The following RC3H1 variants were observed in gnomAD, a reference collection of about 807,000 sequenced individuals.
The protein encoded by RC3H1 is ring finger and CCCH-type domains 1.
Under a neutral mutation model 138.2 loss-of-function variants are expected in RC3H1, and 50 were observed. The ratio of observed to expected loss-of-function variants is 0.36; its 90% CI spans 0.29 to 0.46. The LOEUF (loss-of-function observed/expected upper bound fraction) is 0.46. RC3H1 is among the 20% of genes least tolerant of loss of function. RC3H1 has a pLI of 1.00. For missense variants in RC3H1, 1,031 were observed against 1,388.1 expected (o/e 0.74, Z 4.09); for synonymous variants, 462 against 489.1 (o/e 0.94, Z 0.73).
rs60259705 is a variant in RC3H1 at position 173,950,420 on chromosome 1, CAAAA to C, written c.2523+1562_2523+1565del. Among the ~76,000 whole-genome samples, 192 of 63,658 alleles carry C rather than the reference CAAAA, an allele frequency of 3.0e-3. 4 individuals are homozygous for C. Among genetic ancestry groups the C allele is most frequent in the South Asian group, 0.017 (34 of 1,970 alleles). The allele number at this position is 63,658 out of a possible 152,430, so 41.8% of individuals were successfully genotyped here. A position where few individuals can be genotyped will look rare whatever the true frequency, so the allele number is the denominator to read the frequency against. Reference sequence around the variant, plus strand: ...CAACATAGCAAGACCTCATCTCTACCAAAAAAAAAAAAAAAAAAAAAGAGCTGAG... The same window carrying C: ...CAACATAGCAAGACCTCATCTCTACCAAAAAAAAAAAAAAAAAGAGCTGAG... On this transcript the variant is annotated intron_variant, in intron 14 of 19. Transcript: ENST00000367696.
chr1:173,982,730 G>A lies in RC3H1; in HGVS notation c.765C>T (p.Phe255=). 1 of 1,602,644 alleles carries A rather than the reference G, an allele frequency of 6.2e-7. No individual in the cohort carries two copies. The highest frequency in any genetic ancestry group is 8.5e-7 in the Non-Finnish European group (1 of 1,175,272). Residue 255 remains phenylalanine, a synonymous_variant, in exon 5 of 20, where the codon TTC becomes TTT. Coordinates refer to ENST00000367696, the MANE Select transcript of RC3H1 (RefSeq NM_172071.4). The part of the protein sequence containing the change: ...VVQLLYRASC[F]KVTKRDEDSS... ...GAGCTTTAATGTAGGTTCATACCTT[G>A]AAACAGGAGGCTCTATAAAGGAGCT... is the stretch of plus-strand genomic sequence containing the variant.
chr1:174,001,121 G>A (rs7523504), intron 1 of RC3H1, among the ~76,000 whole-genome samples: 1 of 152,110 alleles, frequency 6.6e-6, no homozygotes, highest in African/African-American at 2.4e-5. Flanking sequence ...AAAGAAAGGT[G>A]GAGGAAAGTT....
chr1:174,012,814 A>AAAAGG (rs1409633618), intron 1 of RC3H1, among the ~76,000 whole-genome samples: 2 of 151,632 alleles, frequency 1.3e-5, no homozygotes, highest in Non-Finnish European at 2.9e-5. Context: ...AAAAGAAAAG[A>AAAAGG]AAGAACTAGA....
intron 1 of RC3H1, among the ~76,000 whole-genome samples, chr1:173,995,952 C>T (rs1422877996): frequency 6.6e-6 from 1 of 152,162 alleles, no homozygotes. Flanking sequence ...GACCAGAAAT[C>T]GATGCAATTG....
intron 1 of RC3H1, among the ~76,000 whole-genome samples, chr1:174,017,434 G>A (rs1211567475): frequency 1.3e-5 from 2 of 152,078 alleles, no homozygotes; most frequent in African/African-American, 4.8e-5. Flanking sequence ...AGAATTAGGT[G>A]GTTTTTTATT....
intron 1 of RC3H1, among the ~76,000 whole-genome samples, chr1:173,993,736 T>G (rs1661388402): frequency 1.3e-5 from 2 of 150,646 alleles, no homozygotes; most frequent in South Asian, 4.3e-4. Flanking sequence ...AAAAATAATC[T>G]TGGCTGGGTA....
intron 11 of RC3H1, among the ~76,000 whole-genome samples, chr1:173,962,477 G>A (rs957439634): frequency 6.6e-6 from 1 of 152,194 alleles, no homozygotes. Context: ...ATAACTGGGA[G>A]GAGACATGGA....
Position 173,934,904 on chromosome 1 carries a change from C to A in RC3H1, c.*3817G>T, listed in dbSNP as rs1430999979. 2 of 152,020 alleles carry A rather than the reference C, an allele frequency of 1.3e-5. No individual in the cohort carries two copies. Among genetic ancestry groups the A allele is most frequent in the Non-Finnish European group, 2.9e-5 (2 of 68,002 alleles). 9.4% of individuals were successfully genotyped at this position (152,020 alleles called of 1,614,324 possible). A position where few individuals can be genotyped will look rare whatever the true frequency, so the allele number is the denominator to read the frequency against. ...CTGGAAAGTCTGATGGAGTTATATA[C>A]TCAAAGTAGCAAATGAGAATCATAC... On this transcript the variant is annotated 3_prime_UTR_variant, in exon 20 of 20. Transcript: ENST00000367696.
rs1478912031 is a variant in RC3H1, at chr1:173,936,744, TATATATATATATATA to T, written c.*1962_*1976del. 1.4e-3 allele frequency: 63 copies of T among 45,040 alleles called. No individual in the cohort carries two copies. Among genetic ancestry groups the T allele is most frequent in the Middle Eastern group, 0.014 (1 of 74 alleles). 2.8% of individuals were successfully genotyped at this position (45,040 alleles called of 1,614,324 possible). On this transcript the variant is annotated 3_prime_UTR_variant, in exon 20 of 20. Coordinates refer to ENST00000367696, the MANE Select transcript of RC3H1 (RefSeq NM_172071.4). ...GAAAAAGCATACATATATATATATA[TATATATATATATATA>T]TATTTTTTTTTTTTTTTTTAAAAAA...
intron 1 of RC3H1, among the ~76,000 whole-genome samples, chr1:173,998,600 C>T (rs1214574031): frequency 1.3e-5 from 2 of 152,092 alleles, no homozygotes; most frequent in Admixed American, 6.5e-5. Context: ...AGTTATATGC[C>T]TTGTTCATGG....
chr1:173,983,701 T>C (rs531144273), intron 3 of RC3H1, 44 bp from the exon 4 acceptor site: 5 of 1,601,958 alleles, frequency 3.1e-6, no homozygotes, highest in African/African-American at 1.3e-5. Context: ...ACAATGCAAT[T>C]TTACAGTCCA....
At chr1:174,012,357 T>C (rs1010031331) in intron 1 of RC3H1, among the ~76,000 whole-genome samples, 1 of 152,184 alleles carries the variant, frequency 6.6e-6, no homozygotes, top group African/African-American at 2.4e-5. Context: ...AAATAATATG[T>C]TTATGAAATC....
At chr1:173,952,402 T>TAAAAAAAAAAAAA (rs35197109) in intron 13 of RC3H1, among the ~76,000 whole-genome samples, 1 of 47,206 alleles carries the variant, frequency 2.1e-5, no homozygotes, top group Non-Finnish European at 4.2e-5. Context: ...TAGCAGAAGG[T>TAAAAAAAAAAAAA]AAAAAAAAAA....
At chr1:174,012,938 C>A (rs937343590) in intron 1 of RC3H1, among the ~76,000 whole-genome samples, 1 of 151,492 alleles carries the variant, frequency 6.6e-6, no homozygotes. Flanking sequence ...AAAGATGATT[C>A]CAGAGTTTAA....
At chr1:173,989,710 GTTTTTTT>G (rs372808172) in intron 2 of RC3H1, among the ~76,000 whole-genome samples, 6 of 103,224 alleles carry the variant, frequency 5.8e-5, no homozygotes, top group African/African-American at 9.4e-5. Flanking sequence ...GTTTATTCAA[GTTTTTTT>G]TTTTTTTTTT....
intron 1 of RC3H1, among the ~76,000 whole-genome samples, chr1:174,004,151 AC>A (rs1661610544): frequency 6.6e-6 from 1 of 150,730 alleles, no homozygotes; most frequent in African/African-American, 2.4e-5. Flanking sequence ...TGTCATCCAG[AC>A]TGGAGTCAGC....
rs1335677393 is a variant in RC3H1 at position 173,993,176 on chromosome 1, T to C, written c.-150-41A>G. On this transcript the variant is annotated intron_variant, in intron 1 of 19. Coordinates refer to ENST00000367696, the MANE Select transcript of RC3H1 (RefSeq NM_172071.4). ...AAGGAAAAAAATTGAGTGTCTTTCTTTTCAATTAAACTGTTGAAAAAGAAC... is the reference window on the plus strand; with the variant it reads ...AAGGAAAAAAATTGAGTGTCTTTCTCTTCAATTAAACTGTTGAAAAAGAAC... 5.3e-6 allele frequency: 3 copies of C among 571,068 alleles called. No individual in the cohort carries two copies. In the African/African-American group the frequency reaches 5.6e-5, roughly 11 times the overall value. 35.4% of individuals were successfully genotyped at this position (571,068 alleles called of 1,614,324 possible). A position where few individuals can be genotyped will look rare whatever the true frequency, so the allele number is the denominator to read the frequency against.
intron 13 of RC3H1, among the ~76,000 whole-genome samples, chr1:173,953,837 A>G (rs1337935949): frequency 6.6e-6 from 1 of 151,940 alleles, no homozygotes; most frequent in African/African-American, 2.4e-5. Context: ...TCGGGAGTTC[A>G]AGACCAGCCT....
At chr1:173,967,603 G>C (rs1187497764) in intron 9 of RC3H1, among the ~76,000 whole-genome samples, 1 of 152,114 alleles carries the variant, frequency 6.6e-6, no homozygotes, top group Non-Finnish European at 1.5e-5. Flanking sequence ...AGTTTCACAG[G>C]ATAATTGGCC....
Sources: gnomAD v4.1 joint callset for allele counts (sites outside exome capture counted in the v4.1 genomes callset) on GRCh38, gnomAD v4.1.1 for gene constraint, MANE v1.5 for transcripts, NCBI Gene and HGNC (gene_info 2026-07-23, HGNC 2026-07-21) for gene names.